EMC3: variants seen among roughly 807,000 people sequenced by gnomAD.
EMC3 encodes the protein 30 kDa protein.
EMC3 carries 13 observed loss-of-function variants against 36.6 expected under a neutral mutation model. The observed-to-expected ratio is 0.35, with a 90% CI of 0.23 to 0.56. EMC3 has a LOEUF of 0.56. Ranked by LOEUF, EMC3 falls within the 20% of genes least tolerant of loss-of-function variation. EMC3 has a pLI of 0.84. For synonymous variants in EMC3, 120 were observed against 111.9 expected (o/e 1.07, Z -0.46); for missense variants, 220 against 324.5 (o/e 0.68, Z 2.47).
At chr3:9,966,247 G>T (rs1162548806) in intron 7 of EMC3, among the ~76,000 whole-genome samples, 1 of 149,622 alleles carries the variant, frequency 6.7e-6, no homozygotes. Flanking sequence ...TTTTGAGATG[G>T]AGTCTCGCTC....
intron 1 of EMC3, among the ~76,000 whole-genome samples, chr3:9,995,074 G>T (rs1260219200): frequency 6.6e-6 from 1 of 152,150 alleles, no homozygotes; most frequent in Non-Finnish European, 1.5e-5. Flanking sequence ...AGCAGTAGTT[G>T]CAGCTGACAT....
chr3:9,988,535 T>C (rs1217282771), upstream of EMC3: 1 of 911,410 alleles, frequency 1.1e-6, no homozygotes, highest in African/African-American at 1.6e-5. Context: ...TAGTGACAGA[T>C]GTATAACTGA....
chr3:9,974,914 G>A (rs1324321462), intron 3 of EMC3, among the ~76,000 whole-genome samples: 2 of 137,106 alleles, frequency 1.5e-5, no homozygotes, highest in East Asian at 2.1e-4. Context: ...AGGCTGGAGT[G>A]CAGTGGCATG....
chr3:9,971,270 C>G lies in EMC3; in HGVS notation c.495-609G>C, dbSNP rs141534380. Among the ~76,000 whole-genome samples, 291 of 152,206 alleles carry G rather than the reference C, an allele frequency of 1.9e-3. 2 individuals are homozygous for G. The highest frequency in any genetic ancestry group is 6.6e-3 in the African/African-American group (274 of 41,516). ...ACATGGATTTCAGGAAATACAGTACCGAGGACTATAGCTACTGGGAGAGCC... is the reference window on the plus strand; with the variant it reads ...ACATGGATTTCAGGAAATACAGTACGGAGGACTATAGCTACTGGGAGAGCC... On this transcript the variant is annotated intron_variant, in intron 5 of 7. Coordinates refer to ENST00000245046, the MANE Select transcript of EMC3 (RefSeq NM_001394674.1).
At chr3:9,977,082 T>C in intron 2 of EMC3, 32 bp from the exon 3 acceptor site, 1 of 1,493,642 alleles carries the variant, frequency 6.7e-7, no homozygotes, top group Non-Finnish European at 9.2e-7. Flanking sequence ...GTTTTAAGTC[T>C]AAGAACTATG....
chr3:9,996,037 C>T (rs1330035033), intron 1 of EMC3, among the ~76,000 whole-genome samples: 1 of 152,170 alleles, frequency 6.6e-6, no homozygotes, highest in Admixed American at 6.6e-5. Flanking sequence ...AGAGATGGGT[C>T]TGTGGTCAGC....
rs756069988 is a variant in EMC3 at position 9,963,454 on chromosome 3, G to GATAGATATATAT, written c.*614_*615insATATATATCTAT. 1 of 99,716 alleles carries GATAGATATATAT rather than the reference G, an allele frequency of 1.0e-5. No individual in the cohort carries two copies. The highest frequency in any genetic ancestry group is 1.9e-5 in the Non-Finnish European group (1 of 51,734). The allele number at this position is 99,716 out of a possible 1,614,324, so 6.2% of individuals were successfully genotyped here. ...CGAAGACTGGGCTTCTGCTAAGATA[G>GATAGATATATAT]ATATATATATATATATATATATATT... On this transcript the variant is annotated 3_prime_UTR_variant, in exon 8 of 8. Transcript: ENST00000245046.
chr3:9,976,782 A>C (rs563084459), intron 3 of EMC3, among the ~76,000 whole-genome samples, 175 bp downstream of exon 3: 2 of 152,284 alleles, frequency 1.3e-5, no homozygotes, highest in South Asian at 4.1e-4. Flanking sequence ...AATCTAACTG[A>C]AAAAGAGAAT....
chr3:9,980,423 T>C (rs1467288216), intron 1 of EMC3, among the ~76,000 whole-genome samples: 12 of 151,678 alleles, frequency 7.9e-5, no homozygotes, highest in Non-Finnish European at 8.8e-5. Flanking sequence ...TGGAGTGCAG[T>C]GGTACAATCT....
chr3:9,970,433 A>G, intron 6 of EMC3, 149 bp downstream of exon 6: 2 of 876,702 alleles, frequency 2.3e-6, no homozygotes, highest in Non-Finnish European at 3.7e-6. Context: ...AATTTTTAAG[A>G]CTCTTTCAGA....
intron 2 of EMC3, 136 bp downstream of exon 2, chr3:9,977,253 G>C: frequency 1.1e-6 from 1 of 899,090 alleles, no homozygotes; most frequent in Non-Finnish European, 1.7e-6. Context: ...CACCATGAGA[G>C]CAAACACCAC....
intron 1 of EMC3, among the ~76,000 whole-genome samples, chr3:10,001,883 C>T (rs1162607857): frequency 6.6e-6 from 1 of 151,850 alleles, no homozygotes; most frequent in Non-Finnish European, 1.5e-5. Flanking sequence ...CCTGTAGTCC[C>T]GGCTACTCAG....
intron 1 of EMC3, chr3:10,004,242 G>A (rs1434443692): frequency 6.6e-6 from 1 of 152,198 alleles, no homozygotes; most frequent in Non-Finnish European, 1.5e-5. Flanking sequence ...CCAGGGAGCA[G>A]ACCACACTAG....
intron 1 of EMC3, 121 bp from the exon 2 acceptor site, chr3:9,977,567 G>A: frequency 6.9e-6 from 5 of 723,172 alleles, no homozygotes; most frequent in South Asian, 2.1e-5. Context: ...AGCTCTGTGT[G>A]GAAACTTCCC....
chr3:9,970,703 CAG>C (rs754821672), intron 5 of EMC3, 42 bp from the exon 6 acceptor site: 10 of 1,602,604 alleles, frequency 6.2e-6, no homozygotes, highest in South Asian at 5.5e-5. Flanking sequence ...GTTATTATAT[CAG>C]AGAGTAATGC....
chr3:9,967,502 T>C (rs1427722082), intron 7 of EMC3, among the ~76,000 whole-genome samples: 1 of 134,512 alleles, frequency 7.4e-6, no homozygotes, highest in Admixed American at 7.2e-5. Context: ...GGTACCCTCT[T>C]TGAAAATCAA....
chr3:9,987,118 G>A (rs373940365), upstream of EMC3: 5 of 816,484 alleles, frequency 6.1e-6, no homozygotes, highest in Non-Finnish European at 7.4e-6. Context: ...GGAGGCTGAG[G>A]CAGGAGAATG....
intron 4 of EMC3, among the ~76,000 whole-genome samples, 175 bp from the exon 5 acceptor site, chr3:9,973,884 A>C (rs558911768): frequency 6.6e-6 from 1 of 152,214 alleles, no homozygotes; most frequent in Non-Finnish European, 1.5e-5. Flanking sequence ...ACTCTGCTCT[A>C]GTTTCCCTGA....
chr3:10,010,308 C>G (rs2086310464), intron 1 of EMC3: 1 of 152,470 alleles, frequency 6.6e-6, no homozygotes. Flanking sequence ...TGGCGGGCTC[C>G]TGTAGTCCCA....
Sources: allele counts gnomAD v4.1 joint callset (sites outside exome capture counted in the v4.1 genomes callset), GRCh38; gene constraint gnomAD v4.1.1; transcripts MANE v1.5; gene names NCBI Gene and HGNC (gene_info 2026-07-23, HGNC 2026-07-21).